The following CLASP1 variants were observed in gnomAD, a reference collection of about 807,000 sequenced individuals.
CLASP1 encodes the protein cytoplasmic linker associated protein 1.
In CLASP1, 38 loss-of-function variants were observed where a neutral mutation model predicts 192.3. That is an observed-to-expected ratio of 0.20 (90% CI 0.15 to 0.26). The LOEUF (loss-of-function observed/expected upper bound fraction) is 0.26. Among genes scored for constraint, CLASP1 ranks in the 10% least tolerant of loss-of-function variants. The probability of loss-of-function intolerance (pLI) is 1.00; values close to 1 mark genes in which losing one functional copy is unlikely to be tolerated. For synonymous variants in CLASP1, 691 were observed against 712.8 expected (o/e 0.97, Z 0.49); for missense variants, 1,433 against 1,932.5 (o/e 0.74, Z 4.85).
chr2:121,562,739 T>C (rs1376293356), intron 2 of CLASP1, among the ~76,000 whole-genome samples: 1 of 152,202 alleles, frequency 6.6e-6, no homozygotes, highest in Non-Finnish European at 1.5e-5. Context: ...GGTTTTATTA[T>C]TGTTCAGGTT....
intron 37 of CLASP1, among the ~76,000 whole-genome samples, chr2:121,348,993 A>C (rs1048772620): frequency 6.6e-6 from 1 of 151,990 alleles, no homozygotes; most frequent in Admixed American, 6.6e-5. Context: ...GTAATCCCAG[A>C]ACTTTGGGAG....
At chr2:121,470,299 T>TTTC (rs1381793334) in intron 8 of CLASP1, 1 of 297,826 alleles carries the variant, frequency 3.4e-6, no homozygotes, top group East Asian at 1.0e-4. Context: ...CATGCTTTTT[T>TTTC]TTTTTTTTTT....
intron 1 of CLASP1, among the ~76,000 whole-genome samples, chr2:121,646,734 G>A (rs936398911): frequency 2.6e-5 from 4 of 152,044 alleles, no homozygotes; most frequent in Non-Finnish European, 4.4e-5. Context: ...TAAACAAGAC[G>A]GAAGCAAAAA....
chr2:121,348,844 G>A (rs565995681), intron 37 of CLASP1, 126 bp from the exon 39 acceptor site: 39 of 865,808 alleles, frequency 4.5e-5, no homozygotes, highest in Admixed American at 1.2e-4. Context: ...CCATTGCTTC[G>A]CCTGGCTCAA....
rs560220613 is a variant in CLASP1 at position 121,420,668 on chromosome 2, C to G, written c.2213-1939G>C. Among the ~76,000 whole-genome samples, 4 of 152,344 alleles carry G rather than the reference C, an allele frequency of 2.6e-5. No individual in the cohort carries two copies. The South Asian group carries it at 6.2e-4, about 24-fold the overall frequency. On this transcript the variant is annotated intron_variant, in intron 22 of 39. Coordinates refer to ENST00000263710, the Ensembl canonical transcript of CLASP1. The stretch of plus-strand genomic sequence containing the variant: ...CATGTAAAAATTTTGTCGTATTCCA[C>G]TGCCCACTCCAAAACAAATAATAAA...
At chr2:121,391,621 C>T (rs889110238) in intron 30 of CLASP1, among the ~76,000 whole-genome samples, 27 of 152,056 alleles carry the variant, frequency 1.8e-4, no homozygotes, top group African/African-American at 5.6e-4. Flanking sequence ...TGAAAGAGTC[C>T]GGGCGTGGTG....
chr2:121,429,104 A>G (rs556140828), intron 20 of CLASP1, among the ~76,000 whole-genome samples: 1 of 152,332 alleles, frequency 6.6e-6, no homozygotes, highest in Non-Finnish European at 1.5e-5. Context: ...CTTTCTTTGC[A>G]GAAATTATAT....
chr2:121,608,216 G>T (rs1437238513), intron 1 of CLASP1, among the ~76,000 whole-genome samples: 1 of 152,164 alleles, frequency 6.6e-6, no homozygotes, highest in Non-Finnish European at 1.5e-5. Context: ...AACGATACGG[G>T]AAAACTTAAG....
chr2:121,404,237 G>A, intron 26 of CLASP1, 134 bp downstream of exon 27: 1 of 1,432,894 alleles, frequency 7.0e-7, no homozygotes, highest in South Asian at 1.5e-5. Context: ...ACATACACTA[G>A]TGCTGAAACC....
At chr2:121,374,137 C>T in intron 34 of CLASP1, among the ~76,000 whole-genome samples, 1 of 152,248 alleles carries the variant, frequency 6.6e-6, no homozygotes, top group East Asian at 1.9e-4. Context: ...CTGCTGCTTT[C>T]TGCAGCCTTG....
At chr2:121,554,454 T>TG (rs1267634125) in intron 2 of CLASP1, among the ~76,000 whole-genome samples, 2 of 87,562 alleles carry the variant, frequency 2.3e-5, no homozygotes, top group African/African-American at 4.4e-5. Flanking sequence ...CTACAAAAAG[T>TG]AAAAAAAAAA....
intron 6 of CLASP1, among the ~76,000 whole-genome samples, chr2:121,518,260 G>A (rs1266960384): frequency 1.4e-5 from 2 of 147,758 alleles, no homozygotes; most frequent in Non-Finnish European, 3.0e-5. Flanking sequence ...AAAAAAAGGA[G>A]GCAATTAAGG....
chr2:121,614,603 GTATGTACTCAA>G (rs1274917166), intron 1 of CLASP1, among the ~76,000 whole-genome samples: 2 of 152,194 alleles, frequency 1.3e-5, no homozygotes, highest in African/African-American at 4.8e-5. Context: ...AATCTAACAC[GTATGTACTCAA>G]TGGGTATTTG....
chr2:121,640,839 T>C (rs2071917736), intron 1 of CLASP1, among the ~76,000 whole-genome samples: 1 of 152,206 alleles, frequency 6.6e-6, no homozygotes. Context: ...CCTTTAAATG[T>C]TACTGTAAGA....
chr2:121,496,271 A>G (rs924597069), intron 8 of CLASP1, among the ~76,000 whole-genome samples: 1 of 152,070 alleles, frequency 6.6e-6, no homozygotes, highest in Non-Finnish European at 1.5e-5. Context: ...TTTAATAGAC[A>G]CCCTTTTGAG....
intron 29 of CLASP1, among the ~76,000 whole-genome samples, chr2:121,397,535 C>A (rs918974446): frequency 9.9e-5 from 15 of 152,206 alleles, no homozygotes; most frequent in Admixed American, 5.9e-4. Context: ...GAAGCTTGCT[C>A]TGCTCCTCAT....
At chr2:121,541,201 C>A (rs1218300909) in intron 2 of CLASP1, among the ~76,000 whole-genome samples, 1 of 152,106 alleles carries the variant, frequency 6.6e-6, no homozygotes. Context: ...AATACTCAAT[C>A]CTCTCCTCCA....
chr2:121,382,517 G>A lies in CLASP1; in HGVS notation c.3375-193C>T, dbSNP rs1355116443. 2.0e-5 allele frequency among the ~76,000 whole-genome samples: 3 copies of A among 152,258 alleles called. No individual in the cohort carries two copies. In the East Asian group the frequency reaches 5.8e-4, roughly 29 times the overall value. On this transcript the variant is annotated intron_variant, in intron 32 of 39. Transcript: ENST00000263710. ...AATTTTGTTTTACAATTTGGTCCTC[G>A]ATGAGACTGCTTTATTCTTTCCCCT...
chr2:121,346,151 G>A (rs1427360010), intron 39 of CLASP1, among the ~76,000 whole-genome samples: 4 of 152,202 alleles, frequency 2.6e-5, no homozygotes. Context: ...CTGGTTTCAT[G>A]TTTTCCACTG....
Sources: gnomAD v4.1 joint callset for allele counts (sites outside exome capture counted in the v4.1 genomes callset) on GRCh38, gnomAD v4.1.1 for gene constraint, MANE v1.5 for transcripts, NCBI Gene and HGNC (gene_info 2026-07-23, HGNC 2026-07-21) for gene names.